Variants in CHD6 observed in about 807,000 individuals in gnomAD.
The protein encoded by CHD6 is chromodomain helicase DNA binding protein 6.
CHD6 carries 50 observed loss-of-function variants against 276.9 expected under a neutral mutation model. That is an observed-to-expected ratio of 0.18 (90% CI 0.14 to 0.23). CHD6 has a LOEUF of 0.23. CHD6 is among the 10% of genes least tolerant of loss of function. CHD6 has a pLI of 1.00. For synonymous variants in CHD6, 1,173 were observed against 1,229.3 expected (o/e 0.95, Z 0.96); for missense variants, 2,564 against 3,365.8 (o/e 0.76, Z 5.89).
rs904014749 is a variant in CHD6 at position 41,413,445 on chromosome 20, G to A, written c.7010C>T (p.Ser2337Leu). The A allele has an allele frequency of 5.6e-6, 9 of 1,610,974 alleles. No individual in the cohort carries two copies. Among genetic ancestry groups the A allele is most frequent in the African/African-American group, 2.7e-5 (2 of 74,840 alleles). Residue 2337 changes from serine (S) to leucine (L), a missense_variant, in exon 35 of 37, where the codon TCG (serine) becomes TTG (leucine). Physicochemically the swap from Ser to Leu is moderately radical, Grantham distance 145 (BLOSUM62 -2). This residue lies in a region of CHD6 where 1,024 missense variants were observed against 1,047.9 expected (regional missense o/e 0.98). Coordinates refer to ENST00000373233, the MANE Select transcript of CHD6 (RefSeq NM_032221.5). ...THPEGPGPAT[S>L]APEPATAASS... The stretch of plus-strand genomic sequence containing the variant: ...GGCTGCCGTAGCTGGCTCAGGAGCC[G>A]AGGTGGCAGGCCCTGGCCCCTCAGG...
intron 17 of CHD6, among the ~76,000 whole-genome samples, chr20:41,469,847 G>A (rs1431287849): frequency 6.6e-6 from 1 of 152,220 alleles, no homozygotes; most frequent in African/African-American, 2.4e-5. Flanking sequence ...ATATTGCTAA[G>A]ATCTCTCAGT....
chr20:41,617,975 C>T (rs940423910), intron 1 of CHD6, among the ~76,000 whole-genome samples: 1 of 146,642 alleles, frequency 6.8e-6, no homozygotes, highest in Non-Finnish European at 1.5e-5. Context: ...GCCCCGCCCC[C>T]GCCCGCCAGG....
At chr20:41,610,681 C>A (rs1414327787) in intron 1 of CHD6, among the ~76,000 whole-genome samples, 3 of 152,072 alleles carry the variant, frequency 2.0e-5, no homozygotes, top group Non-Finnish European at 2.9e-5. Context: ...TGGCCTGAAC[C>A]CAGGAGGCGG....
Position 41,603,310 on chromosome 20 carries a change from C to G in CHD6, c.-24+15030G>C, listed in dbSNP as rs186543701. On this transcript the variant is annotated intron_variant, in intron 1 of 36. Transcript: ENST00000373233. ...TGAGCCAAGATCATGCCACTGTACTCCAGCCTGGGCAACAGAGTGAGACTC... is the reference window on the plus strand; with the variant it reads ...TGAGCCAAGATCATGCCACTGTACTGCAGCCTGGGCAACAGAGTGAGACTC... Among the ~76,000 whole-genome samples, 426 of 152,200 alleles carry G rather than the reference C, an allele frequency of 2.8e-3. 1 individual carries two copies. The highest frequency in any genetic ancestry group is 9.5e-3 in the African/African-American group (393 of 41,520).
intron 1 of CHD6, among the ~76,000 whole-genome samples, chr20:41,585,937 C>T (rs1227969041): frequency 6.6e-6 from 1 of 152,182 alleles, no homozygotes; most frequent in Non-Finnish European, 1.5e-5. Flanking sequence ...GGACTGCACC[C>T]ACCTTTAAAC....
chr20:41,425,787 T>A (rs187856415), intron 28 of CHD6, among the ~76,000 whole-genome samples: 3 of 151,194 alleles, frequency 2.0e-5, no homozygotes, highest in Admixed American at 2.0e-4. Flanking sequence ...CAACCTTTCT[T>A]TAAAAAAAAA....
chr20:41,467,561 G>GAAAAAA (rs11472253), intron 17 of CHD6, among the ~76,000 whole-genome samples: 62 of 38,898 alleles, frequency 1.6e-3, no homozygotes, highest in Admixed American at 2.3e-3. Flanking sequence ...TTCTGACAAT[G>GAAAAAA]AAAAAAAAAA....
intron 1 of CHD6, among the ~76,000 whole-genome samples, chr20:41,554,179 T>G (rs1028638366): frequency 6.6e-6 from 1 of 151,980 alleles, no homozygotes; most frequent in Admixed American, 6.6e-5. Context: ...ACAGGAAAAC[T>G]CTACCAATGT....
At chr20:41,505,551 A>C (rs1036713065) in intron 5 of CHD6, among the ~76,000 whole-genome samples, 26 of 152,270 alleles carry the variant, frequency 1.7e-4, no homozygotes, top group African/African-American at 6.3e-4. Flanking sequence ...CCACCTCCGG[A>C]TGACTCTTAC....
At chr20:41,568,260 TTC>T (rs2045381042) in intron 1 of CHD6, among the ~76,000 whole-genome samples, 1 of 152,214 alleles carries the variant, frequency 6.6e-6, no homozygotes, top group Admixed American at 6.5e-5. Flanking sequence ...CCGTACATAA[TTC>T]TGTTTAAATT....
At position 41,473,635 on chromosome 20, in the gene CHD6, C is replaced by G. The variant is rs2043107107; in HGVS notation, c.2469-118G>C. ...TAAATCCCTCACTTCTAAATTTGGA[C>G]CAAATGACAGCAGTCTAGAAGGAAT... is the stretch of plus-strand genomic sequence containing the variant. On this transcript the variant is annotated intron_variant, in intron 16 of 36. Transcript: ENST00000373233. This position sits in a 1 kb window ranked among gnomAD's most constrained non-coding sequence, Gnocchi z 4.1. 2 of 781,936 alleles carry G rather than the reference C, an allele frequency of 2.6e-6. No individual in the cohort carries two copies. Among genetic ancestry groups the G allele is most frequent in the South Asian group, 3.5e-5 (2 of 57,340 alleles). 48.4% of individuals were successfully genotyped at this position (781,936 alleles called of 1,614,324 possible).
At chr20:41,500,385 G>A (rs1200966951) in intron 5 of CHD6, among the ~76,000 whole-genome samples, 6 of 152,052 alleles carry the variant, frequency 3.9e-5, no homozygotes, top group Non-Finnish European at 7.4e-5. Context: ...AAGAAATGAG[G>A]AAGGCATATG....
At chr20:41,418,693 T>TGTAATTAA (rs2047083128) in intron 31 of CHD6, among the ~76,000 whole-genome samples, 1 of 152,140 alleles carries the variant, frequency 6.6e-6, no homozygotes, top group African/African-American at 2.4e-5. Context: ...TTACTGCTCC[T>TGTAATTAA]TCAGGACTGT....
At chr20:41,408,233 G>A (rs2046738082) in intron 36 of CHD6, among the ~76,000 whole-genome samples, 1 of 150,990 alleles carries the variant, frequency 6.6e-6, no homozygotes, top group Non-Finnish European at 1.5e-5. Context: ...GGGGGTGGGG[G>A]TGGGGAGGGT....
At chr20:41,556,426 C>T (rs2045238796) in intron 1 of CHD6, among the ~76,000 whole-genome samples, 1 of 149,112 alleles carries the variant, frequency 6.7e-6, no homozygotes, top group Admixed American at 6.7e-5. Context: ...GATCTATGAA[C>T]GTTTTCAATC....
intron 1 of CHD6, among the ~76,000 whole-genome samples, chr20:41,577,125 A>T (rs1323650869): frequency 6.6e-6 from 1 of 152,246 alleles, no homozygotes; most frequent in Non-Finnish European, 1.5e-5. Flanking sequence ...ACAAAAAATC[A>T]CTAAGCAAAG....
In CHD6 at chr20:41,513,801, C is replaced by T. The variant is rs376055072; in HGVS notation, c.703-806G>A. ...AAAGCAAAAGCAAAATCCCACCTCT[C>T]TTTTCTTCTAAAAGATACCTCCTGA... is the stretch of plus-strand genomic sequence containing the variant. On this transcript the variant is annotated intron_variant, in intron 4 of 36. Transcript: ENST00000373233. Among the ~76,000 whole-genome samples the T allele has an allele frequency of 1.5e-3, 228 of 152,306 alleles. 1 individual carries two copies. In the Middle Eastern group the frequency reaches 0.02, roughly 14 times the overall value.
At chr20:41,547,870 C>CTG (rs1315679612) in intron 2 of CHD6, 1 of 375,266 alleles carries the variant, frequency 2.7e-6, no homozygotes, top group Non-Finnish European at 5.2e-6. Context: ...GGCCACCACC[C>CTG]TCATGACATC....
rs750503856 is a variant in CHD6, at chr20:41,421,725, G to T, written c.4910C>A (p.Ser1637Tyr). The change falls in exon 31 of 37, where the codon TCC becomes TAC. Residue 1637 changes from serine (S) to tyrosine (Y), a missense_variant. Around this residue, in one of 7 missense-constraint regions of CHD6, gnomAD observed 1,024 missense variants for 1,047.9 expected, o/e 0.98. Transcript: ENST00000373233. ...GNLCCLYQTNSKLYESLTYSQ... is the reference protein window; with the variant it reads ...GNLCCLYQTNYKLYESLTYSQ... The stretch of plus-strand genomic sequence containing the variant: ...ATATGTAAGAGATTCATATAACTTG[G>T]AGTTGGTCTGGTAAAGGCAACAGAG... 2 of 1,614,182 alleles carry T rather than the reference G, an allele frequency of 1.2e-6. No individual in the cohort carries two copies. Among genetic ancestry groups the T allele is most frequent in the Non-Finnish European group, 8.5e-7 (1 of 1,180,032 alleles).
Sources: gnomAD v4.1 joint callset for allele counts (sites outside exome capture counted in the v4.1 genomes callset) on GRCh38, gnomAD v4.1.1 for gene constraint, gnomAD v4.1.1 regional missense constraint, Gnocchi (gnomAD v3.1) non-coding constraint, MANE v1.5 for transcripts, NCBI Gene and HGNC (gene_info 2026-07-23, HGNC 2026-07-21) for gene names.